Variants in PLEKHB2 observed in about 807,000 individuals in gnomAD.
PLEKHB2 encodes the protein pleckstrin homology domain containing B2.
In PLEKHB2, 31 loss-of-function variants were observed where a neutral mutation model predicts 36.5. The observed-to-expected ratio is 0.85, with a 90% CI of 0.64 to 1.15. PLEKHB2 has a LOEUF of 1.15. Among genes scored for constraint, PLEKHB2 ranks in the 50% most tolerant of loss-of-function variants. PLEKHB2 has a pLI of 0.00. For missense variants in PLEKHB2, 262 were observed against 295.3 expected (o/e 0.89, Z 0.83); for synonymous variants, 119 against 112.0 (o/e 1.06, Z -0.39).
chr2:131,130,834 G>GA, intron 5 of PLEKHB2, 74 bp downstream of exon 5: 1 of 1,068,554 alleles, frequency 9.4e-7, no homozygotes, highest in Non-Finnish European at 1.4e-6. Flanking sequence ...AGGCTTGAGT[G>GA]CAGTGGTGCT....
Position 131,132,928 on chromosome 2 carries a change from C to G in PLEKHB2, c.360C>G (p.Thr120=), listed in dbSNP as rs745553229. ...NTAYVGSAVM[T]DETSVVSSPP... is the part of the protein sequence containing the mutation. Reference sequence around the variant, plus strand: ...CGTATGTGGGCTCTGCAGTCATGACCGATGAGACATCCGTGGTTTCCTCAC... The same window carrying G: ...CGTATGTGGGCTCTGCAGTCATGACGGATGAGACATCCGTGGTTTCCTCAC... Residue 120 remains threonine, a synonymous_variant, in exon 6 of 8, where the codon ACC becomes ACG. Transcript: ENST00000693505. The G allele has an allele frequency of 2.5e-6, 4 of 1,613,046 alleles. No homozygotes were observed. Among genetic ancestry groups the G allele is most frequent in the African/African-American group, 1.3e-5 (1 of 74,892 alleles).
chr2:131,129,096 G>A (rs1399563972), intron 4 of PLEKHB2, among the ~76,000 whole-genome samples: 1 of 152,208 alleles, frequency 6.6e-6, no homozygotes, highest in Non-Finnish European at 1.5e-5. Flanking sequence ...AGGTCAAGGC[G>A]GATGGATCAC....
chr2:131,116,638 C>T (rs142725509), intron 1 of PLEKHB2, among the ~76,000 whole-genome samples: 90 of 152,302 alleles, frequency 5.9e-4, no homozygotes, highest in African/African-American at 2.0e-3. Context: ...TAGTTGCCAC[C>T]GTGATCCAGT....
In PLEKHB2 at chr2:131,120,965, G is replaced by C; in HGVS notation, c.24G>C (p.Trp8Cys). MAFVKSGWLLRQSTILKR... is the reference protein window; with the variant it reads MAFVKSGCLLRQSTILKR... Reference sequence around the variant, plus strand: ...AGATGGCGTTTGTGAAGAGTGGCTGGTTGCTGCGACAGAGTGAGTACAGGA... The same window carrying C: ...AGATGGCGTTTGTGAAGAGTGGCTGCTTGCTGCGACAGAGTGAGTACAGGA... The change falls in exon 2 of 8, where the codon TGG becomes TGC. Residue 8 changes from tryptophan to cysteine, a missense_variant. Physicochemically the swap from Trp to Cys is radical, Grantham distance 215 (BLOSUM62 -2). Coordinates refer to ENST00000693505, the MANE Select transcript of PLEKHB2 (RefSeq NM_001100623.2). 6.2e-7 allele frequency: 1 copy of C among 1,614,218 alleles called. No individual in the cohort carries two copies. The highest frequency in any genetic ancestry group is 1.1e-5 in the South Asian group (1 of 91,088).
chr2:131,117,694 C>T (rs546429081), intron 1 of PLEKHB2, among the ~76,000 whole-genome samples: 49 of 152,186 alleles, frequency 3.2e-4, no homozygotes, highest in African/African-American at 7.0e-4. Context: ...TAGGATTTGA[C>T]GTGAATGCGT....
intron 1 of PLEKHB2, among the ~76,000 whole-genome samples, chr2:131,109,677 C>T (rs147265625): frequency 0.18 from 27,705 of 150,924 alleles, 3,094 homozygotes; most frequent in African/African-American, 0.32. Flanking sequence ...GCAACAAGAG[C>T]GAAACTCTGT....
At chr2:131,130,011 G>C (rs1697517088) in intron 4 of PLEKHB2, among the ~76,000 whole-genome samples, 2 of 152,004 alleles carry the variant, frequency 1.3e-5, no homozygotes, top group Admixed American at 1.3e-4. Context: ...ACATAAGAGT[G>C]TAAGGGTAAT....
intron 7 of PLEKHB2, among the ~76,000 whole-genome samples, chr2:131,143,220 T>C (rs916739460): frequency 4.6e-5 from 7 of 152,236 alleles, no homozygotes; most frequent in Non-Finnish European, 7.3e-5. Context: ...TTTCAACTTA[T>C]GATGGGTTTA....
At chr2:131,125,621 C>A in intron 2 of PLEKHB2, 132 bp from the exon 3 acceptor site, 1 of 673,726 alleles carries the variant, frequency 1.5e-6, no homozygotes, top group Non-Finnish European at 2.4e-6. Flanking sequence ...GGGAGGATTG[C>A]TTGAGCCCAG....
At chr2:131,111,832 GTC>G (rs1041400031) in intron 1 of PLEKHB2, among the ~76,000 whole-genome samples, 15 of 151,882 alleles carry the variant, frequency 9.9e-5, no homozygotes, top group African/African-American at 3.4e-4. Context: ...ACCCAGCATT[GTC>G]TCTGATTCTT....
intron 1 of PLEKHB2, among the ~76,000 whole-genome samples, chr2:131,108,501 T>C (rs958105677): frequency 7.0e-4 from 106 of 152,198 alleles, no homozygotes; most frequent in African/African-American, 2.4e-3. Flanking sequence ...TCTGAGCCAT[T>C]TGAGAAGCAG....
intron 1 of PLEKHB2, among the ~76,000 whole-genome samples, chr2:131,106,599 T>G (rs542799670): frequency 1.4e-4 from 21 of 152,248 alleles, no homozygotes; most frequent in African/African-American, 4.8e-4. Context: ...GCTGTGACGG[T>G]TCAATTGTGG....
Position 131,110,756 on chromosome 2 carries a change from C to A in PLEKHB2, c.-9+5358C>A, listed in dbSNP as rs531309596. 2.0e-5 allele frequency among the ~76,000 whole-genome samples: 3 copies of A among 152,214 alleles called. No individual in the cohort carries two copies. In the Middle Eastern group the frequency reaches 0.01, roughly 521 times the overall value. The stretch of plus-strand genomic sequence containing the variant: ...TTTTGAAGGTATTGCTCTAGATGTC[C>A]TGTGTCTTGCTGATTGTTGATCCTT... On this transcript the variant is annotated intron_variant, in intron 1 of 7. Coordinates refer to ENST00000693505, the MANE Select transcript of PLEKHB2 (RefSeq NM_001100623.2).
intron 7 of PLEKHB2, among the ~76,000 whole-genome samples, chr2:131,143,921 G>C (rs998723347): frequency 6.6e-6 from 1 of 152,144 alleles, no homozygotes; most frequent in African/African-American, 2.4e-5. Context: ...CTTGGCTCTC[G>C]TCAGTAGAGT....
chr2:131,138,926 C>CGGG (rs1698521677), intron 6 of PLEKHB2, among the ~76,000 whole-genome samples: 1 of 152,200 alleles, frequency 6.6e-6, no homozygotes, highest in South Asian at 2.1e-4. Context: ...CTCAGCCCCC[C>CGGG]ACTCAGTCTT....
At chr2:131,123,791 C>T (rs1696805397) in intron 2 of PLEKHB2, among the ~76,000 whole-genome samples, 1 of 119,224 alleles carries the variant, frequency 8.4e-6, no homozygotes, top group Non-Finnish European at 1.7e-5. Context: ...CCCCCCGCCC[C>T]CCGCCCTCGG....
chr2:131,119,375 C>T (rs972152763), intron 1 of PLEKHB2, among the ~76,000 whole-genome samples: 4 of 152,180 alleles, frequency 2.6e-5, no homozygotes, highest in Non-Finnish European at 2.9e-5. Context: ...TTTCCAGAGA[C>T]ACATCTTTCA....
At chr2:131,105,590 C>A (rs1694618824) in intron 1 of PLEKHB2, among the ~76,000 whole-genome samples, 192 bp downstream of exon 1, 1 of 152,138 alleles carries the variant, frequency 6.6e-6, no homozygotes, top group Non-Finnish European at 1.5e-5. Flanking sequence ...CCTCCCTGGA[C>A]CACCCTGACC....
At chr2:131,108,546 A>G (rs1694961836) in intron 1 of PLEKHB2, among the ~76,000 whole-genome samples, 1 of 152,206 alleles carries the variant, frequency 6.6e-6, no homozygotes, top group Admixed American at 6.5e-5. Context: ...GGGCTGTCCA[A>G]TCTTTAGACT....
Sources: gnomAD v4.1 joint callset for allele counts (sites outside exome capture counted in the v4.1 genomes callset) on GRCh38, gnomAD v4.1.1 for gene constraint, MANE v1.5 for transcripts, NCBI Gene and HGNC (gene_info 2026-07-23, HGNC 2026-07-21) for gene names.